GRIA4: variants seen among roughly 807,000 people sequenced by gnomAD.
GRIA4 encodes glutamate ionotropic receptor AMPA type subunit 4.
In GRIA4, 34 loss-of-function variants were observed where a neutral mutation model predicts 104.0. The ratio of observed to expected loss-of-function variants is 0.33; its 90% CI spans 0.25 to 0.44. The LOEUF is 0.44. Among genes scored for constraint, GRIA4 ranks in the 20% least tolerant of loss-of-function variants. The pLI, the probability that GRIA4 is intolerant of heterozygous loss-of-function variation, is 1.00. For missense variants in GRIA4, 750 were observed against 1,096.5 expected, an observed-to-expected ratio of 0.68 and a Z score of 4.46; for synonymous variants, 386 against 381.9, an observed-to-expected ratio of 1.01 and a Z score of -0.13.
At chr11:105,762,406 G>A (rs1049233664) in intron 4 of GRIA4, among the ~76,000 whole-genome samples, 3 of 152,172 alleles carry the variant, frequency 2.0e-5, no homozygotes, top group African/African-American at 7.2e-5. Context: ...TTGTTTTCTG[G>A]ATGGTTTTGC....
intron 6 of GRIA4, among the ~76,000 whole-genome samples, chr11:105,888,155 G>T (rs1484884326): frequency 1.3e-5 from 2 of 151,932 alleles, no homozygotes; most frequent in South Asian, 2.1e-4. Context: ...TGTAGTGTAG[G>T]GGGTAGATTA....
rs139141287 is a variant in GRIA4 at position 105,954,820 on chromosome 11, G to C, written c.2295-17094G>C. 6.2e-3 allele frequency among the ~76,000 whole-genome samples: 937 copies of C among 151,568 alleles called. 7 individuals are homozygous for C. The highest frequency in any genetic ancestry group is 0.021 in the African/African-American group (874 of 41,398). ...TGAGCATGAGTATTTGCAATATGCA[G>C]TTATTATACTCAAGTCAAAGTTGAG... On this transcript the variant is annotated intron_variant, in intron 14 of 16. Coordinates refer to ENST00000282499, the MANE Select transcript of GRIA4 (RefSeq NM_000829.4).
intron 6 of GRIA4, among the ~76,000 whole-genome samples, chr11:105,888,917 G>T (rs1378760801): frequency 6.6e-6 from 1 of 151,722 alleles, no homozygotes; most frequent in Non-Finnish European, 1.5e-5. Flanking sequence ...TTTTAGTAGA[G>T]TGTTTCACTA....
chr11:105,654,022 A>G (rs571824455), intron 3 of GRIA4, among the ~76,000 whole-genome samples: 4,117 of 147,490 alleles, frequency 0.028, 151 homozygotes, highest in African/African-American at 0.075. Context: ...AAAAAAAAAA[A>G]AAAAAGAAAA....
intron 4 of GRIA4, among the ~76,000 whole-genome samples, chr11:105,823,368 C>T (rs143090921): frequency 7.2e-5 from 11 of 151,918 alleles, no homozygotes; most frequent in Non-Finnish European, 1.5e-4. Context: ...AAGAATTCTG[C>T]GGTTAGGTTC....
chr11:105,966,963 A>G (rs1858406940), intron 14 of GRIA4, among the ~76,000 whole-genome samples: 1 of 152,156 alleles, frequency 6.6e-6, no homozygotes, highest in Admixed American at 6.5e-5. Flanking sequence ...TTAAGGAGTA[A>G]TAACTTATTT....
chr11:105,839,722 T>A (rs28375870), intron 4 of GRIA4, among the ~76,000 whole-genome samples: 18 of 150,744 alleles, frequency 1.2e-4, no homozygotes, highest in African/African-American at 3.2e-4. Context: ...AAATAAAAAA[T>A]AAAAAAAAAG....
intron 4 of GRIA4, among the ~76,000 whole-genome samples, chr11:105,813,012 T>C (rs979191035): frequency 1.1e-4 from 15 of 141,124 alleles, no homozygotes; most frequent in Admixed American, 9.4e-4. Context: ...GAAAATGGCG[T>C]GAACCTGGGA....
At chr11:105,941,834 A>G (rs1384391127) in intron 14 of GRIA4, among the ~76,000 whole-genome samples, 1 of 152,102 alleles carries the variant, frequency 6.6e-6, no homozygotes, top group African/African-American at 2.4e-5. Context: ...CTCTGCTGTT[A>G]TAGAAGAGTG....
At chr11:105,893,926 A>G (rs577669187) in intron 6 of GRIA4, among the ~76,000 whole-genome samples, 2 of 152,330 alleles carry the variant, frequency 1.3e-5, no homozygotes, top group East Asian at 3.9e-4. Flanking sequence ...TTTCAGAAAC[A>G]TAGGTTTACT....
At chr11:105,893,469 C>T (rs1216952058) in intron 6 of GRIA4, among the ~76,000 whole-genome samples, 3 of 151,904 alleles carry the variant, frequency 2.0e-5, no homozygotes, top group African/African-American at 7.3e-5. Flanking sequence ...AAAATATTGC[C>T]TGTACTCAAA....
chr11:105,838,010 C>T (rs1944257612), intron 4 of GRIA4, among the ~76,000 whole-genome samples: 1 of 151,994 alleles, frequency 6.6e-6, no homozygotes. Flanking sequence ...AACTATTGAC[C>T]TATTTTTGGC....
intron 10 of GRIA4, chr11:105,912,487 A>AG: frequency 2.3e-6 from 2 of 873,910 alleles, no homozygotes; most frequent in South Asian, 5.3e-5. Context: ...CAAAAAAAAA[A>AG]AGACTAAAAA....
chr11:105,832,532 A>T (rs1944013129), intron 4 of GRIA4, among the ~76,000 whole-genome samples: 1 of 151,898 alleles, frequency 6.6e-6, no homozygotes, highest in Non-Finnish European at 1.5e-5. Context: ...CAGGGCTGGT[A>T]TTAGTATCTT....
At chr11:105,696,035 G>T (rs1953265435) in intron 3 of GRIA4, among the ~76,000 whole-genome samples, 1 of 152,184 alleles carries the variant, frequency 6.6e-6, no homozygotes, top group African/African-American at 2.4e-5. Flanking sequence ...TTCTTCTGAA[G>T]AAATCTTCAA....
chr11:105,897,812 G>A (rs1452934078), intron 6 of GRIA4, among the ~76,000 whole-genome samples: 1 of 152,002 alleles, frequency 6.6e-6, no homozygotes, highest in Non-Finnish European at 1.5e-5. Flanking sequence ...TTGGGGTGCT[G>A]GTATTTTGCT....
chr11:105,960,492 C>T (rs563955657), intron 14 of GRIA4, among the ~76,000 whole-genome samples: 121 of 152,330 alleles, frequency 7.9e-4, no homozygotes, highest in Non-Finnish European at 2.4e-4. Context: ...TCCCTGGCTC[C>T]AGCAGGGGAA....
chr11:105,793,229 G>A (rs1591266016), intron 4 of GRIA4, among the ~76,000 whole-genome samples: 1 of 152,094 alleles, frequency 6.6e-6, no homozygotes, highest in Non-Finnish European at 1.5e-5. Flanking sequence ...ATGGAGTGAG[G>A]TCCAGAAAGT....
chr11:105,784,219 T>G (rs1226056776), intron 4 of GRIA4, among the ~76,000 whole-genome samples: 1 of 152,218 alleles, frequency 6.6e-6, no homozygotes, highest in Non-Finnish European at 1.5e-5. Context: ...TAAGTATTAT[T>G]GACTTTATCC....
Sources: gnomAD v4.1 joint callset for allele counts (sites outside exome capture counted in the v4.1 genomes callset) on GRCh38, gnomAD v4.1.1 for gene constraint, MANE v1.5 for transcripts, NCBI Gene and HGNC (gene_info 2026-07-23, HGNC 2026-07-21) for gene names.